The following MFSD11 variants were observed in gnomAD, a reference collection of about 807,000 sequenced individuals.
MFSD11 encodes major facilitator superfamily domain containing 11, also known as UNC93-like protein MFSD11.
In MFSD11, 36 loss-of-function variants were observed where a neutral mutation model predicts 53.5. That is an observed-to-expected ratio of 0.67 (90% CI 0.52 to 0.89). The LOEUF (loss-of-function observed/expected upper bound fraction) is 0.89. Ranked by LOEUF, MFSD11 falls within the 40% of genes least tolerant of loss-of-function variation. The probability of loss-of-function intolerance (pLI) is 0.00; values close to 1 mark genes in which losing one functional copy is unlikely to be tolerated. For synonymous variants in MFSD11, 186 were observed against 184.9 expected, an observed-to-expected ratio of 1.01 and a Z score of -0.05; for missense variants, 530 against 543.9, an observed-to-expected ratio of 0.97 and a Z score of 0.25.
Position 76,742,163 on chromosome 17 carries a change from G to A in MFSD11, c.341-14G>A. On this transcript the variant is annotated splice_polypyrimidine_tract_variant and intron_variant, in intron 4 of 12. Coordinates refer to ENST00000685175, the MANE Select transcript of MFSD11 (RefSeq NM_001242532.5). ...AATTTCTTTCCCTTGATAAACTTTTGGGTTGAATTTTAGTGCTTTGGACAG... is the reference window on the plus strand; with the variant it reads ...AATTTCTTTCCCTTGATAAACTTTTAGGTTGAATTTTAGTGCTTTGGACAG... 1 of 1,614,006 alleles carries A rather than the reference G, an allele frequency of 6.2e-7. No homozygotes were observed. Among genetic ancestry groups the A allele is most frequent in the Non-Finnish European group, 8.5e-7 (1 of 1,179,946 alleles).
the MFSD11 span, among the ~76,000 whole-genome samples, chr17:76,792,894 T>C: frequency 2.0e-5 from 3 of 151,400 alleles, no homozygotes; most frequent in African/African-American, 7.4e-5. Context: ...AAGCTGGGCA[T>C]CTGGGGGAGA....
At chr17:76,737,962 C>A (rs905053409), upstream of MFSD11, 5 of 249,362 alleles carry the variant, frequency 2.0e-5, no homozygotes, top group Admixed American at 2.2e-4. Context: ...CGGCCGGCGC[C>A]GCGGCTGCGG....
chr17:76,755,038 C>T (rs10451221), intron 8 of MFSD11, among the ~76,000 whole-genome samples: 1,661 of 152,030 alleles, frequency 0.011, 26 homozygotes, highest in African/African-American at 0.037. Flanking sequence ...GCCAACATGG[C>T]GAAACCCCAT....
chr17:76,764,397 C>T (rs1022044922), intron 8 of MFSD11, among the ~76,000 whole-genome samples: 1 of 152,302 alleles, frequency 6.6e-6, no homozygotes. Flanking sequence ...CTTTAACCAA[C>T]GTCTCCCTAT....
At chr17:76,768,189 A>C (rs1229611106) in intron 9 of MFSD11, among the ~76,000 whole-genome samples, 1 of 151,932 alleles carries the variant, frequency 6.6e-6, no homozygotes, top group Non-Finnish European at 1.5e-5. Context: ...CTGTAGCCCC[A>C]GCCACTCAGG....
At chr17:76,757,579 A>G (rs965506490) in intron 8 of MFSD11, among the ~76,000 whole-genome samples, 1 of 152,200 alleles carries the variant, frequency 6.6e-6, no homozygotes, top group Non-Finnish European at 1.5e-5. Flanking sequence ...ATCTAAAATC[A>G]CTTACTTCCC....
chr17:76,779,754 G>A (rs141587856), downstream of MFSD11, among the ~76,000 whole-genome samples: 1 of 152,288 alleles, frequency 6.6e-6, no homozygotes, highest in African/African-American at 2.4e-5. Flanking sequence ...CAAAGTGCTG[G>A]GATTGCAGGG....
the MFSD11 span, among the ~76,000 whole-genome samples, chr17:76,803,175 CAAAA>C: frequency 2.0e-5 from 3 of 150,986 alleles, no homozygotes; most frequent in Non-Finnish European, 4.4e-5. Context: ...AAAACAAAAA[CAAAA>C]CAAACAAAAA....
chr17:76,782,143 G>A (rs1366483984), downstream of MFSD11, among the ~76,000 whole-genome samples: 1 of 148,492 alleles, frequency 6.7e-6, no homozygotes, highest in Non-Finnish European at 1.5e-5. Flanking sequence ...CCCGGCCCCT[G>A]TGGGGAGTTT....
chr17:76,740,362 GTAA>G (rs1201741394), intron 2 of MFSD11, among the ~76,000 whole-genome samples: 2 of 152,142 alleles, frequency 1.3e-5, no homozygotes, highest in Non-Finnish European at 2.9e-5. Flanking sequence ...TAGTAACTGA[GTAA>G]TAATGTTCAA....
In MFSD11 at chr17:76,776,561, A is replaced by G. The variant is rs745311134; in HGVS notation, c.1185+20A>G. 6.2e-7 allele frequency: 1 copy of G among 1,611,896 alleles called. No homozygotes were observed. The highest frequency in any genetic ancestry group is 8.5e-7 in the Non-Finnish European group (1 of 1,179,398). ...GTTCAGGTAACCTCTTCAGATTGTGATTGTGTTTGACATAGGGCTCTTCCC... is the reference window on the plus strand; with the variant it reads ...GTTCAGGTAACCTCTTCAGATTGTGGTTGTGTTTGACATAGGGCTCTTCCC... On this transcript the variant is annotated intron_variant, in intron 12 of 12. Coordinates refer to ENST00000685175, the MANE Select transcript of MFSD11 (RefSeq NM_001242532.5). The surrounding 1 kb of genome is among the most constrained non-coding windows in gnomAD (Gnocchi z 4.2).
At chr17:76,741,848 G>A (rs1435608071) in intron 3 of MFSD11, 121 bp from the exon 4 acceptor site, 5 of 1,477,502 alleles carry the variant, frequency 3.4e-6, no homozygotes, top group East Asian at 2.3e-5. Flanking sequence ...CAAAACTGGA[G>A]CGATCCTTTA....
chr17:76,759,950 G>T (rs1463320152), intron 8 of MFSD11, among the ~76,000 whole-genome samples: 2 of 151,518 alleles, frequency 1.3e-5, no homozygotes, highest in Non-Finnish European at 2.9e-5. Flanking sequence ...AATAAAGTCA[G>T]CTAGAGAAAA....
At chr17:76,788,940 G>A in the MFSD11 span, among the ~76,000 whole-genome samples, 8 of 149,414 alleles carry the variant, frequency 5.4e-5, no homozygotes, top group Admixed American at 2.0e-4. Flanking sequence ...TCAGAAGTTC[G>A]AGACCAGCCT....
intron 12 of MFSD11, 59 bp from the exon 13 acceptor site, chr17:76,778,129 A>G: frequency 1.3e-6 from 2 of 1,586,090 alleles, no homozygotes; most frequent in Non-Finnish European, 1.7e-6. Flanking sequence ...GCTAGGGGCT[A>G]ACTGTGGCTC....
chr17:76,737,992 G>A (rs1035386603), upstream of MFSD11: 27 of 302,692 alleles, frequency 8.9e-5, no homozygotes, highest in Non-Finnish European at 1.5e-4. Flanking sequence ...CCGGTCGCCT[G>A]GCCGCAGTGA....
chr17:76,744,283 T>C, intron 6 of MFSD11, 39 bp from the exon 7 acceptor site: 1 of 1,566,408 alleles, frequency 6.4e-7, no homozygotes. Context: ...CTGGAATTGT[T>C]TGGTCGATAC....
intron 6 of MFSD11, 70 bp from the exon 7 acceptor site, chr17:76,744,252 C>A: frequency 6.8e-7 from 1 of 1,467,816 alleles, no homozygotes; most frequent in Non-Finnish European, 9.2e-7. Flanking sequence ...TGTAAGCAGC[C>A]CTTGTACCGT....
chr17:76,754,099 C>G lies in MFSD11; in HGVS notation c.682+12C>G. 6.2e-7 allele frequency: 1 copy of G among 1,608,508 alleles called. No individual in the cohort carries two copies. Among genetic ancestry groups the G allele is most frequent in the Admixed American group, 1.7e-5 (1 of 59,712 alleles). On this transcript the variant is annotated intron_variant, in intron 8 of 12. Coordinates refer to ENST00000685175, the MANE Select transcript of MFSD11 (RefSeq NM_001242532.5). ...AGTAGATGCTTTTAGTAAGTATTTT[C>G]TGTATCTGAAATGCAAGAACTGTTC...
Sources: allele counts gnomAD v4.1 joint callset (sites outside exome capture counted in the v4.1 genomes callset), GRCh38; gene constraint gnomAD v4.1.1; non-coding constraint Gnocchi (gnomAD v3.1); transcripts MANE v1.5; gene names NCBI Gene and HGNC (gene_info 2026-07-23, HGNC 2026-07-21).